Variants in ZZEF1 observed in about 807,000 individuals in gnomAD.
ZZEF1 encodes the protein zinc finger ZZ-type and EF-hand domain containing 1, also known as zinc finger ZZ-type and EF-hand domain-containing protein 1.
Under a neutral mutation model 342.8 loss-of-function variants are expected in ZZEF1, and 157 were observed. The ratio of observed to expected loss-of-function variants is 0.46; its 90% CI spans 0.40 to 0.52. ZZEF1 has a LOEUF of 0.52. Among genes scored for constraint, ZZEF1 ranks in the 20% least tolerant of loss-of-function variants. The pLI, the probability that ZZEF1 is intolerant of heterozygous loss-of-function variation, is 0.00. For missense variants in ZZEF1, 3,480 were observed against 3,725.6 expected (o/e 0.93, Z 1.72); for synonymous variants, 1,505 against 1,429.1 (o/e 1.05, Z -1.20).
chr17:4,086,306 TCCCACAGCGGCAA>T (rs2057820281), intron 15 of ZZEF1, among the ~76,000 whole-genome samples, 167 bp downstream of exon 15: 1 of 139,978 alleles, frequency 7.1e-6, no homozygotes. Flanking sequence ...TCTGGGGGAT[TCCCACAGCGGCAA>T]TCCCTTTCTG....
At chr17:4,044,748 A>C (rs1399043506) in intron 37 of ZZEF1, among the ~76,000 whole-genome samples, 1 of 151,272 alleles carries the variant, frequency 6.6e-6, no homozygotes, top group Non-Finnish European at 1.5e-5. Flanking sequence ...CGATCTCTTG[A>C]CCTCGTGATC....
At chr17:4,135,400 T>C (rs4790571) in intron 1 of ZZEF1, among the ~76,000 whole-genome samples, 144,182 of 152,018 alleles carry the variant, frequency 0.95, 68,871 homozygotes, top group East Asian at 1. Flanking sequence ...TCCTTGAACC[T>C]GGGAGGCAAA....
intron 1 of ZZEF1, among the ~76,000 whole-genome samples, chr17:4,125,255 G>C (rs1343956225): frequency 3.3e-5 from 5 of 152,096 alleles, no homozygotes; most frequent in Non-Finnish European, 7.4e-5. Context: ...CTCTCACCAT[G>C]CAATACTTCA....
rs991865511 is a variant in ZZEF1 at position 4,064,593 on chromosome 17, T to C, written c.4486A>G (p.Lys1496Glu). ...DQSPGLGTQP[K>E]LPSSSGLPAA... is the part of the protein sequence containing the mutation. ...GGAAGGCCACTGCTGGATGGCAGCT[T>C]TGGCTGGGTGCCCAGGCCAGGACTC... Residue 1496 changes from lysine (K) to glutamate (E), a missense_variant, in exon 29 of 55, where the codon AAG (lysine) becomes GAG (glutamate). Lys to Glu is a moderately conservative substitution (Grantham distance 56, BLOSUM62 1). Around this residue, in one of 5 missense-constraint regions of ZZEF1, gnomAD observed 1,528 missense variants for 1,624.1 expected, o/e 0.94. Transcript: ENST00000381638. The C allele has an allele frequency of 1.7e-5, 27 of 1,613,976 alleles. No homozygotes were observed. The highest frequency in any genetic ancestry group is 2.2e-5 in the Non-Finnish European group (26 of 1,180,010).
chr17:4,142,681 A>G lies in ZZEF1; in HGVS notation c.215T>C (p.Leu72Pro). The G allele has an allele frequency of 6.2e-7, 1 of 1,606,498 alleles. No individual in the cohort carries two copies. Among genetic ancestry groups the G allele is most frequent in the Non-Finnish European group, 8.5e-7 (1 of 1,179,332 alleles). ...ALLPTPPCES[L>P]VSRHRGALFR... ...CAACGCGCCGCGATGCCTCGACACC[A>G]GCGACTCGCAGGGGGGTGTGGGCAG... Residue 72 changes from leucine (L) to proline (P), a missense_variant, in exon 1 of 55, where the codon CTG becomes CCG. Transcript: ENST00000381638.
At position 4,082,004 on chromosome 17, in the gene ZZEF1, G is replaced by A. The variant is rs1489695792; in HGVS notation, c.2714+433C>T. Reference sequence around the variant, plus strand: ...TTCAAGAGTCAATACTTCTAGTAATGAAGCCTGTAGGCCCATTTAGCTTCT... The same window carrying A: ...TTCAAGAGTCAATACTTCTAGTAATAAAGCCTGTAGGCCCATTTAGCTTCT... On this transcript the variant is annotated intron_variant, in intron 17 of 54. Transcript: ENST00000381638. Among the ~76,000 whole-genome samples the A allele has an allele frequency of 2.0e-5, 3 of 152,258 alleles. No individual in the cohort carries two copies. In the East Asian group the frequency reaches 5.8e-4, roughly 29 times the overall value.
intron 18 of ZZEF1, among the ~76,000 whole-genome samples, chr17:4,078,492 C>T (rs2057664973): frequency 6.6e-6 from 1 of 152,158 alleles, no homozygotes; most frequent in Non-Finnish European, 1.5e-5. Flanking sequence ...GAAGATTGTA[C>T]ACTATATGAT....
rs150980949 is a variant in ZZEF1 at position 4,017,718 on chromosome 17, G to C, written c.7654C>G (p.Arg2552Gly). The C allele has an allele frequency of 2.5e-6, 4 of 1,612,420 alleles. No individual in the cohort carries two copies. Among genetic ancestry groups the C allele is most frequent in the African/African-American group, 1.3e-5 (1 of 75,046 alleles). ...GATTCAGCAGTGGCTTGGTCACAGC[G>C]TGCAGGCCGGGACTGCAAACCCAAG... The part of the protein sequence containing the change: ...IILPCLSRPA[R>G]CDQATAESNP... The change falls in exon 48 of 55, where the codon CGC becomes GGC. Residue 2552 changes from arginine (R) to glycine (G), a missense_variant. By Grantham distance (125) the Arg-to-Gly change is moderately radical. Transcript: ENST00000381638. This position sits in a 1 kb window ranked among gnomAD's most constrained non-coding sequence, Gnocchi z 5.1.
intron 39 of ZZEF1, among the ~76,000 whole-genome samples, chr17:4,034,911 T>C (rs911446483): frequency 3.9e-5 from 6 of 152,080 alleles, no homozygotes; most frequent in Admixed American, 1.3e-4. Context: ...GGTGAGAGGA[T>C]TGCTTGAGCC....
At chr17:4,111,671 T>C (rs1359976811) in intron 5 of ZZEF1, among the ~76,000 whole-genome samples, 2 of 80,304 alleles carry the variant, frequency 2.5e-5, no homozygotes, top group Non-Finnish European at 5.2e-5. Context: ...AAAAAAAATA[T>C]ATAGAAAAAA....
chr17:4,059,078 C>T, intron 31 of ZZEF1, 93 bp downstream of exon 31: 1 of 1,108,990 alleles, frequency 9.0e-7, no homozygotes, highest in Non-Finnish European at 1.2e-6. Flanking sequence ...ATTCTTTGTG[C>T]TTTTTGGTAT....
intron 6 of ZZEF1, among the ~76,000 whole-genome samples, chr17:4,107,532 G>T (rs2058231698): frequency 6.6e-6 from 1 of 152,130 alleles, no homozygotes; most frequent in African/African-American, 2.4e-5. Flanking sequence ...CCTGGCACAG[G>T]GTATAGGAAC....
intron 1 of ZZEF1, among the ~76,000 whole-genome samples, chr17:4,127,140 G>T (rs1275296633): frequency 1.3e-5 from 2 of 151,984 alleles, no homozygotes; most frequent in African/African-American, 4.8e-5. Flanking sequence ...CAAGTAGCTG[G>T]GACTACAGGC....
intron 44 of ZZEF1, 84 bp from the exon 45 acceptor site, chr17:4,021,404 C>A: frequency 8.8e-7 from 1 of 1,131,918 alleles, no homozygotes; most frequent in Middle Eastern, 2.1e-4. Context: ...AAATATTGGG[C>A]CTAACTTTTT....
At position 4,142,689 on chromosome 17, in the gene ZZEF1, G is replaced by A. The variant is rs1449577277; in HGVS notation, c.207C>T (p.Cys69=). ...AAAALLPTPP[C]ESLVSRHRGA... is the part of the protein sequence containing the mutation. ...CGCGATGCCTCGACACCAGCGACTC[G>A]CAGGGGGGTGTGGGCAGCAACGCTG... The change falls in exon 1 of 55, where the codon TGC becomes TGT. Residue 69 remains cysteine (C), a synonymous_variant. Coordinates refer to ENST00000381638, the MANE Select transcript of ZZEF1 (RefSeq NM_015113.4). 1.9e-6 allele frequency: 3 copies of A among 1,605,464 alleles called. No homozygotes were observed. The highest frequency in any genetic ancestry group is 2.5e-6 in the Non-Finnish European group (3 of 1,178,926).
At chr17:4,113,667 A>G (rs2058350061) in intron 4 of ZZEF1, among the ~76,000 whole-genome samples, 1 of 151,516 alleles carries the variant, frequency 6.6e-6, no homozygotes. Flanking sequence ...TCCATCTCAA[A>G]AAAAAAAAAA....
chr17:4,126,925 A>T (rs772470902), intron 1 of ZZEF1, among the ~76,000 whole-genome samples: 1 of 152,094 alleles, frequency 6.6e-6, no homozygotes, highest in African/African-American at 2.4e-5. Context: ...CAAAATTATA[A>T]CACTGCACTC....
chr17:4,128,907 T>A (rs186924254), intron 1 of ZZEF1, among the ~76,000 whole-genome samples: 2 of 151,196 alleles, frequency 1.3e-5, no homozygotes, highest in East Asian at 3.9e-4. Flanking sequence ...TAGCTGGGAT[T>A]ACAAGCATGC....
In ZZEF1 at chr17:4,005,706, C is replaced by G. The variant is rs550062968; in HGVS notation, c.*1184G>C. On this transcript the variant is annotated 3_prime_UTR_variant, in exon 55 of 55. Coordinates refer to ENST00000381638, the MANE Select transcript of ZZEF1 (RefSeq NM_015113.4). ...TCAAGCTTGGCCTTGGTGGTGGGGC[C>G]CCTTCTCTGGCTCTGGCACTGTGTG... 6.6e-6 allele frequency: 1 copy of G among 152,444 alleles called. No homozygotes were observed. The highest frequency in any genetic ancestry group is 1.9e-4 in the East Asian group (1 of 5,176). 9.4% of individuals were successfully genotyped at this position (152,444 alleles called of 1,614,324 possible).
Sources: allele counts gnomAD v4.1 joint callset (sites outside exome capture counted in the v4.1 genomes callset), GRCh38; gene constraint gnomAD v4.1.1; regional missense constraint gnomAD v4.1.1; non-coding constraint Gnocchi (gnomAD v3.1); transcripts MANE v1.5; gene names NCBI Gene and HGNC (gene_info 2026-07-23, HGNC 2026-07-21).